The following HMOX2 variants were observed in gnomAD, a reference collection of about 807,000 sequenced individuals.
HMOX2 encodes heme oxygenase (decycling) 2.
In HMOX2, 30 loss-of-function variants were observed where a neutral mutation model predicts 33.7. The ratio of observed to expected loss-of-function variants is 0.89; its 90% CI spans 0.67 to 1.21. The LOEUF (loss-of-function observed/expected upper bound fraction) is 1.21. HMOX2 is among the 50% of genes most tolerant of loss of function. The pLI is 0.00. For missense variants in HMOX2, 403 were observed against 399.1 expected (o/e 1.01, Z -0.08); for synonymous variants, 155 against 155.0 (o/e 1.00, Z 0.00).
rs7202353 is a variant in HMOX2 at position 4,482,399 on chromosome 16, C to T, written c.-42+5912C>T. Among the ~76,000 whole-genome samples the T allele has an allele frequency of 6.3e-3, 955 of 152,246 alleles. 8 individuals carry two copies. Among genetic ancestry groups the T allele is most frequent in the Middle Eastern group, 0.031 (9 of 294 alleles). On this transcript the variant is annotated intron_variant, in intron 1 of 5. Transcript: ENST00000570646. ...GTTCCCACAGTCACTCAACACAACACTTCTGATACCAGATATATGGGAGTT... is the reference window on the plus strand; with the variant it reads ...GTTCCCACAGTCACTCAACACAACATTTCTGATACCAGATATATGGGAGTT...
At chr16:4,493,986 G>A (rs2058359918) in intron 1 of HMOX2, among the ~76,000 whole-genome samples, 1 of 152,174 alleles carries the variant, frequency 6.6e-6, no homozygotes, top group Non-Finnish European at 1.5e-5. Flanking sequence ...ATGGGAGGCT[G>A]TGTCTGGGGA....
At chr16:4,501,343 G>C (rs1031005249) in intron 1 of HMOX2, among the ~76,000 whole-genome samples, 2 of 152,154 alleles carry the variant, frequency 1.3e-5, no homozygotes, top group African/African-American at 4.8e-5. Context: ...AAAATAAAAA[G>C]TTTCTGTAGG....
At position 4,510,302 on chromosome 16, in the gene HMOX2, G is replaced by A. The variant is rs746593528; in HGVS notation, c.*546G>A. On this transcript the variant is annotated 3_prime_UTR_variant, in exon 6 of 6. Coordinates refer to ENST00000570646, the MANE Select transcript of HMOX2 (RefSeq NM_002134.4). Reference sequence around the variant, plus strand: ...AGCCCCAGCTTATCTCCTCCTCCGCGCTGTGTAAATGCTCCAGCACTCAAT... The same window carrying A: ...AGCCCCAGCTTATCTCCTCCTCCGCACTGTGTAAATGCTCCAGCACTCAAT... The A allele has an allele frequency of 1.2e-4, 19 of 158,710 alleles. No individual in the cohort carries two copies. Among genetic ancestry groups the A allele is most frequent in the African/African-American group, 1.9e-4 (8 of 41,582 alleles). 9.8% of individuals were successfully genotyped at this position (158,710 alleles called of 1,614,324 possible).
intron 1 of HMOX2, among the ~76,000 whole-genome samples, chr16:4,486,536 T>C (rs1021865140): frequency 1.3e-5 from 2 of 152,184 alleles, no homozygotes; most frequent in African/African-American, 2.4e-5. Flanking sequence ...AGAAACTACA[T>C]GGTTTTTTGG....
At chr16:4,475,953 A>G (rs1447661745), upstream of HMOX2, 3 of 152,234 alleles carry the variant, frequency 2.0e-5, no homozygotes, top group African/African-American at 4.8e-5. Flanking sequence ...AAGAAAAATC[A>G]TTCTGTCATT....
chr16:4,486,283 A>C (rs777526255), intron 1 of HMOX2, among the ~76,000 whole-genome samples: 2 of 152,212 alleles, frequency 1.3e-5, no homozygotes, highest in African/African-American at 4.8e-5. Context: ...CCAAACACCA[A>C]CTGTCAAGGG....
chr16:4,491,378 T>C (rs1210356978), intron 1 of HMOX2, among the ~76,000 whole-genome samples: 1 of 152,126 alleles, frequency 6.6e-6, no homozygotes, highest in Non-Finnish European at 1.5e-5. Flanking sequence ...GGCCGGGCAC[T>C]ATGGCCCACT....
At chr16:4,487,719 G>A (rs1406019975) in intron 1 of HMOX2, among the ~76,000 whole-genome samples, 4 of 151,756 alleles carry the variant, frequency 2.6e-5, no homozygotes, top group Non-Finnish European at 5.9e-5. Flanking sequence ...AGAATGGCGT[G>A]AACCCGGGAG....
chr16:4,491,318 AAAAC>A, intron 1 of HMOX2, among the ~76,000 whole-genome samples: 1 of 152,298 alleles, frequency 6.6e-6, no homozygotes, highest in South Asian at 2.1e-4. Flanking sequence ...GAGTTAAACT[AAAAC>A]AATACAATAT....
intron 1 of HMOX2, among the ~76,000 whole-genome samples, chr16:4,499,622 A>G (rs2058509161): frequency 6.6e-6 from 1 of 152,150 alleles, no homozygotes; most frequent in Admixed American, 6.6e-5. Context: ...AATATGGTTA[A>G]TATTATAATA....
chr16:4,494,371 G>T (rs1182307498), intron 1 of HMOX2, among the ~76,000 whole-genome samples: 1 of 151,918 alleles, frequency 6.6e-6, no homozygotes, highest in Non-Finnish European at 1.5e-5. Context: ...GACTGGGCAG[G>T]GTAATGCATG....
intron 1 of HMOX2, among the ~76,000 whole-genome samples, chr16:4,499,960 A>C (rs1201999965): frequency 1.3e-5 from 2 of 152,186 alleles, no homozygotes; most frequent in Non-Finnish European, 2.9e-5. Context: ...ACAGGCACAC[A>C]AATCCTCTAT....
At chr16:4,474,891 T>C (rs984325482), upstream of HMOX2, 1 of 152,234 alleles carries the variant, frequency 6.6e-6, no homozygotes, top group African/African-American at 2.4e-5. Flanking sequence ...TGTCCATGAG[T>C]CTTATCCCTT....
chr16:4,476,769 A>T (rs1398301455), intron 1 of HMOX2: 1 of 152,166 alleles, frequency 6.6e-6, no homozygotes, highest in African/African-American at 2.4e-5. Context: ...GGGCGCGGGG[A>T]GGCCTGAATG....
At chr16:4,489,125 A>G (rs1437654216) in intron 1 of HMOX2, among the ~76,000 whole-genome samples, 1 of 152,202 alleles carries the variant, frequency 6.6e-6, no homozygotes, top group African/African-American at 2.4e-5. Flanking sequence ...ATAAAACAAA[A>G]TCTAAAAGGT....
At chr16:4,498,061 C>CTTTTTTTTT (rs35332500) in intron 1 of HMOX2, among the ~76,000 whole-genome samples, 2 of 104,426 alleles carry the variant, frequency 1.9e-5, no homozygotes, top group Non-Finnish European at 3.8e-5. Flanking sequence ...GATTCATTGT[C>CTTTTTTTTT]TTTTTTTTTT....
chr16:4,479,704 C>T (rs1166105265), intron 1 of HMOX2: 2 of 151,634 alleles, frequency 1.3e-5, no homozygotes, highest in Admixed American at 6.6e-5. Context: ...ATCTTGTACC[C>T]AGCCTGCCTT....
At chr16:4,481,348 C>CAAAAA (rs60035479) in intron 1 of HMOX2, among the ~76,000 whole-genome samples, 3 of 114,058 alleles carry the variant, frequency 2.6e-5, no homozygotes, top group Admixed American at 9.2e-5. Flanking sequence ...GACTCCGTCT[C>CAAAAA]AAAAAAAAAA....
chr16:4,486,704 A>C (rs1046603488), intron 1 of HMOX2, among the ~76,000 whole-genome samples: 17 of 152,324 alleles, frequency 1.1e-4, no homozygotes, highest in African/African-American at 3.1e-4. Context: ...TTGGACATAC[A>C]GGCCTAAGAT....
Sources: gnomAD v4.1 joint callset for allele counts (sites outside exome capture counted in the v4.1 genomes callset) on GRCh38, gnomAD v4.1.1 for gene constraint, MANE v1.5 for transcripts, NCBI Gene and HGNC (gene_info 2026-07-23, HGNC 2026-07-21) for gene names.